The following UBE2N variants were observed in gnomAD, a reference collection of about 807,000 sequenced individuals.
UBE2N encodes ubiquitin conjugating enzyme E2 N.
For synonymous variants in UBE2N, 70 were observed against 69.2 expected (o/e 1.01, Z -0.06); for missense variants, 60 against 192.1 (o/e 0.31, Z 4.07).
intron 1 of UBE2N, among the ~76,000 whole-genome samples, chr12:93,428,132 CT>C (rs1283229556): frequency 6.6e-6 from 1 of 152,076 alleles, no homozygotes; most frequent in African/African-American, 2.4e-5. Context: ...GTTGCCCAGG[CT>C]TTTCTCAAAT....
intron 1 of UBE2N, among the ~76,000 whole-genome samples, chr12:93,419,740 T>G (rs1294071956): frequency 2.0e-5 from 3 of 152,212 alleles, no homozygotes; most frequent in Non-Finnish European, 4.4e-5. Flanking sequence ...ATATGATCAC[T>G]CCTTGCTTTG....
chr12:93,426,816 G>A (rs1005535686), intron 1 of UBE2N, among the ~76,000 whole-genome samples: 2 of 152,244 alleles, frequency 1.3e-5, no homozygotes, highest in African/African-American at 4.8e-5. Context: ...GAGTGTTAAG[G>A]GAAAACTGCG....
chr12:93,422,899 TA>T (rs1878461339), intron 1 of UBE2N, among the ~76,000 whole-genome samples: 1 of 152,210 alleles, frequency 6.6e-6, no homozygotes, highest in African/African-American at 2.4e-5. Flanking sequence ...AGCTGGGAGA[TA>T]AGAAAATTGT....
intron 1 of UBE2N, 61 bp from the exon 2 acceptor site, chr12:93,411,360 A>G: frequency 6.5e-7 from 1 of 1,535,870 alleles, no homozygotes; most frequent in African/African-American, 1.4e-5. Context: ...CACCAAAAGT[A>G]AAATTAGAAA....
At chr12:93,411,594 A>G (rs1045158193) in intron 1 of UBE2N, among the ~76,000 whole-genome samples, 4 of 152,242 alleles carry the variant, frequency 2.6e-5, no homozygotes, top group African/African-American at 9.6e-5. Flanking sequence ...AGTAAAATAA[A>G]GTAACATTAG....
intron 1 of UBE2N, among the ~76,000 whole-genome samples, chr12:93,429,799 G>A (rs1256962905): frequency 6.6e-6 from 1 of 151,854 alleles, no homozygotes; most frequent in Admixed American, 6.6e-5. Flanking sequence ...AAGATTGTAA[G>A]AGAAAAAAGC....
intron 1 of UBE2N, among the ~76,000 whole-genome samples, chr12:93,428,831 A>T (rs1334771361): frequency 6.6e-6 from 1 of 152,198 alleles, no homozygotes; most frequent in Non-Finnish European, 1.5e-5. Context: ...TGCCAATTAA[A>T]CTAGGAGAAG....
At chr12:93,421,358 C>A (rs144046892) in intron 1 of UBE2N, among the ~76,000 whole-genome samples, 213 of 152,232 alleles carry the variant, frequency 1.4e-3, no homozygotes, top group African/African-American at 5.0e-3. Context: ...CCCACCACCT[C>A]GCCCAGCTAA....
intron 1 of UBE2N, among the ~76,000 whole-genome samples, chr12:93,441,419 G>A (rs992483589): frequency 2.0e-5 from 3 of 152,150 alleles, no homozygotes; most frequent in Non-Finnish European, 4.4e-5. Context: ...CGGAGAAGAG[G>A]GGCTTGGCTG....
rs1359152699 is a variant in UBE2N at position 93,410,785 on chromosome 12, T to A, written c.367A>T (p.Asn123Tyr). The part of the protein sequence containing the change: ...SAPNPDDPLA[N>Y]DVAEQWKTNE... ...GTCTTCCACTGCTCCGCTACATCAT[T>A]TGCTAATGGATCATCTGGATTGGGA... is the stretch of plus-strand genomic sequence containing the variant. The change falls in exon 3 of 4, where the codon AAT becomes TAT. Residue 123 changes from asparagine (N) to tyrosine (Y), a missense_variant. Physicochemically the swap from Asn to Tyr is moderately radical, Grantham distance 143 (BLOSUM62 -2). Transcript: ENST00000318066. The A allele has an allele frequency of 6.2e-7, 1 of 1,614,214 alleles. No individual in the cohort carries two copies.
intron 1 of UBE2N, chr12:93,424,424 A>G (rs1324287093): frequency 2.0e-5 from 3 of 152,238 alleles, no homozygotes; most frequent in Non-Finnish European, 4.4e-5. Flanking sequence ...AACAAGTTAC[A>G]TTTCGCTCAG....
At chr12:93,441,508 C>CG (rs10714261) in intron 1 of UBE2N, among the ~76,000 whole-genome samples, 4 of 152,030 alleles carry the variant, frequency 2.6e-5, no homozygotes, top group Non-Finnish European at 2.9e-5. Flanking sequence ...CGGCCTCCGG[C>CG]GGGGGGGTGG....
chr12:93,422,691 A>C (rs1275852432), intron 1 of UBE2N, among the ~76,000 whole-genome samples: 2 of 152,170 alleles, frequency 1.3e-5, no homozygotes, highest in Admixed American at 6.5e-5. Context: ...TCTTTGATCC[A>C]GCTTTTATGT....
chr12:93,409,769 G>T lies in UBE2N; in HGVS notation c.*270C>A. ...CAGTGCTTTATACTTAAACCAGGAT[G>T]GGGGAAATGAATAAAAGCAGGGAGG... On this transcript the variant is annotated 3_prime_UTR_variant, in exon 4 of 4. Transcript: ENST00000318066. 2.4e-6 allele frequency: 1 copy of T among 420,652 alleles called. No individual in the cohort carries two copies. 26.1% of individuals were successfully genotyped at this position (420,652 alleles called of 1,614,324 possible). A position where few individuals can be genotyped will look rare whatever the true frequency, so the allele number is the denominator to read the frequency against.
At chr12:93,440,062 T>C (rs1879053670) in intron 1 of UBE2N, among the ~76,000 whole-genome samples, 1 of 152,226 alleles carries the variant, frequency 6.6e-6, no homozygotes, top group South Asian at 2.1e-4. Flanking sequence ...ACTGGGCATA[T>C]CTTCATAATC....
Position 93,409,002 on chromosome 12 carries a change from C to T in UBE2N, c.*1037G>A, listed in dbSNP as rs558839499. ...AAGTCCTACATGTCAGTCACAACTGCTATCTTTGCTGTGACTTTCCTGTAC... is the reference window on the plus strand; with the variant it reads ...AAGTCCTACATGTCAGTCACAACTGTTATCTTTGCTGTGACTTTCCTGTAC... On this transcript the variant is annotated 3_prime_UTR_variant, in exon 4 of 4. Transcript: ENST00000318066. 6.5e-6 allele frequency: 1 copy of T among 152,784 alleles called. No homozygotes were observed. The highest frequency in any genetic ancestry group is 6.5e-5 in the Admixed American group (1 of 15,306). 9.5% of individuals were successfully genotyped at this position (152,784 alleles called of 1,614,324 possible).
At position 93,409,462 on chromosome 12, in the gene UBE2N, G is replaced by C. The variant is rs1877968100; in HGVS notation, c.*577C>G. 6.0e-6 allele frequency: 1 copy of C among 166,982 alleles called. No homozygotes were observed. Among genetic ancestry groups the C allele is most frequent in the African/African-American group, 2.4e-5 (1 of 41,442 alleles). The allele number at this position is 166,982 out of a possible 1,614,324, so 10.3% of individuals were successfully genotyped here. A position where few individuals can be genotyped will look rare whatever the true frequency, so the allele number is the denominator to read the frequency against. Reference sequence around the variant, plus strand: ...TTTTTGAAGGGGGGAATCTACACTTGACAGCAATGTTATTAGTGAGGGCTG... The same window carrying C: ...TTTTTGAAGGGGGGAATCTACACTTCACAGCAATGTTATTAGTGAGGGCTG... On this transcript the variant is annotated 3_prime_UTR_variant, in exon 4 of 4. Coordinates refer to ENST00000318066, the MANE Select transcript of UBE2N (RefSeq NM_003348.4).
chr12:93,430,357 A>C (rs999672455), intron 1 of UBE2N, among the ~76,000 whole-genome samples: 26 of 152,282 alleles, frequency 1.7e-4, no homozygotes, highest in African/African-American at 6.3e-4. Context: ...CCTATGGTGC[A>C]TTTCTCAGAA....
rs1286466634 is a variant in UBE2N, at chr12:93,410,882, G to C, written c.278-8C>G. 6.2e-7 allele frequency: 1 copy of C among 1,614,086 alleles called. No homozygotes were observed. On this transcript the variant is annotated splice_polypyrimidine_tract_variant and splice_region_variant and intron_variant, in intron 2 of 3. Transcript: ENST00000318066. The stretch of plus-strand genomic sequence containing the variant: ...GTGCTGGGGACCACTTATCTATGAA[G>C]GCAACAGGCCCAGTATGATAAAGCA...
Sources: gnomAD v4.1 joint callset for allele counts (sites outside exome capture counted in the v4.1 genomes callset) on GRCh38, gnomAD v4.1.1 for gene constraint, MANE v1.5 for transcripts, NCBI Gene and HGNC (gene_info 2026-07-23, HGNC 2026-07-21) for gene names.